Variants in ARHGAP6 observed in about 807,000 individuals in gnomAD.
ARHGAP6 encodes Rho GTPase activating protein 6, also known as rho GTPase-activating protein 6.
ARHGAP6 carries 16 observed loss-of-function variants against 55.7 expected under a neutral mutation model. The ratio of observed to expected loss-of-function variants is 0.29; its 90% confidence interval spans 0.19 to 0.44. The LOEUF is 0.44. Among genes scored for constraint, ARHGAP6 ranks in the 20% least tolerant of loss-of-function variants. ARHGAP6 has a pLI of 1.00. For synonymous variants in ARHGAP6, 382 were observed against 360.9 expected, an observed-to-expected ratio of 1.06 and a Z score of -0.66; for missense variants, 698 against 808.9, an observed-to-expected ratio of 0.86 and a Z score of 1.66.
At position 11,422,406 on chromosome X, in the gene ARHGAP6, G is replaced by C. The variant is rs2049833145; in HGVS notation, c.589-167699C>G. Among the ~76,000 whole-genome samples, 3 of 111,646 alleles carry C rather than the reference G, an allele frequency of 2.7e-5. No homozygotes were observed. The East Asian group carries it at 8.4e-4, about 31-fold the overall frequency. The stretch of plus-strand genomic sequence containing the variant: ...ATGATAAGCTTGTGGAGTGGGGTGT[G>C]GTATGAGGCAGAGAAGACCATGTAA... On this transcript the variant is annotated intron_variant, in intron 1 of 12. Transcript: ENST00000337414.
At chrX:11,487,695 G>A (rs2050524972) in intron 1 of ARHGAP6, among the ~76,000 whole-genome samples, 1 of 111,851 alleles carries the variant, frequency 8.9e-6, no homozygotes, top group Non-Finnish European at 1.9e-5. Context: ...ACTGCTAAAT[G>A]TGGGACCCTT....
In ARHGAP6 at chrX:11,195,526, T is replaced by TC. The variant is rs1005032273; in HGVS notation, c.820+1398dup. Among the ~76,000 whole-genome samples, 3 of 110,851 alleles carry TC rather than the reference T, an allele frequency of 2.7e-5. No individual in the cohort carries two copies. In the Admixed American group the frequency reaches 2.9e-4, roughly 11 times the overall value. On this transcript the variant is annotated intron_variant, in intron 3 of 12. Transcript: ENST00000337414. ...AAACAGTAAGATGAGAGTAAACAATTCCCAAAACATATGAAGCAAAAGATG... is the reference window on the plus strand; with the variant it reads ...AAACAGTAAGATGAGAGTAAACAATTCCCCAAAACATATGAAGCAAAAGATG...
At chrX:11,536,327 T>G (rs1021341072) in intron 1 of ARHGAP6, among the ~76,000 whole-genome samples, 3 of 112,177 alleles carry the variant, frequency 2.7e-5, no homozygotes, top group African/African-American at 9.7e-5. Flanking sequence ...CAGCTGAGAT[T>G]TGGAGGATAA....
chrX:11,277,327 G>C (rs1490789992), intron 1 of ARHGAP6, among the ~76,000 whole-genome samples: 1 of 111,316 alleles, frequency 9.0e-6, no homozygotes, highest in Non-Finnish European at 1.9e-5. Flanking sequence ...TATGAATAAA[G>C]CTGCTGTGAA....
intron 1 of ARHGAP6, among the ~76,000 whole-genome samples, chrX:11,324,154 T>C (rs1293028541): frequency 8.9e-6 from 1 of 111,959 alleles, no homozygotes; most frequent in African/African-American, 3.3e-5. Context: ...GCAGAGCTTT[T>C]GAAGGAAATT....
At chrX:11,496,349 T>C (rs1452577336) in intron 1 of ARHGAP6, among the ~76,000 whole-genome samples, 1 of 112,365 alleles carries the variant, frequency 8.9e-6, no homozygotes, top group Non-Finnish European at 1.9e-5. Context: ...GTATATCCTA[T>C]CTTTTTGTGC....
intron 1 of ARHGAP6, among the ~76,000 whole-genome samples, chrX:11,599,114 C>G (rs1465312304): frequency 1.8e-5 from 2 of 110,892 alleles, no homozygotes; most frequent in Non-Finnish European, 3.8e-5. Flanking sequence ...GAGTAATAAA[C>G]CGTGTGTCTG....
chrX:11,289,928 C>T lies in ARHGAP6; in HGVS notation c.589-35221G>A, dbSNP rs894776313. Among the ~76,000 whole-genome samples the T allele has an allele frequency of 7.2e-5, 8 of 111,772 alleles. No homozygotes were observed. In the East Asian group the frequency reaches 1.4e-3, roughly 20 times the overall value. ...TAAACCCGGGAGGCAGAGATTGCAGCGAGCCGAGACTGTACCACTTCACTC... is the reference window on the plus strand; with the variant it reads ...TAAACCCGGGAGGCAGAGATTGCAGTGAGCCGAGACTGTACCACTTCACTC... On this transcript the variant is annotated intron_variant, in intron 1 of 12. Coordinates refer to ENST00000337414, the MANE Select transcript of ARHGAP6 (RefSeq NM_013427.3).
chrX:11,231,982 A>G (rs1006494816), intron 2 of ARHGAP6, among the ~76,000 whole-genome samples: 1 of 111,977 alleles, frequency 8.9e-6, no homozygotes, highest in African/African-American at 3.3e-5. Flanking sequence ...TTGATATATA[A>G]TAGTTGTAAA....
chrX:11,549,225 A>G (rs1438748495), intron 1 of ARHGAP6, among the ~76,000 whole-genome samples: 2 of 112,097 alleles, frequency 1.8e-5, no homozygotes, highest in African/African-American at 3.2e-5. Flanking sequence ...GTAATTCCAT[A>G]AAAATTGTAT....
chrX:11,425,860 CAA>C (rs2049873680), intron 1 of ARHGAP6, among the ~76,000 whole-genome samples: 1 of 111,774 alleles, frequency 8.9e-6, no homozygotes, highest in South Asian at 3.8e-4. Flanking sequence ...TTGCAAATGG[CAA>C]AGACCTCAGA....
chrX:11,172,313 TTTTC>T (rs1444214066), intron 8 of ARHGAP6, among the ~76,000 whole-genome samples: 26 of 111,783 alleles, frequency 2.3e-4, no homozygotes, highest in Middle Eastern at 4.3e-3. Context: ...GTCCAATCAT[TTTTC>T]TTTGTTTTAT....
chrX:11,187,000 T>C (rs1289304354), intron 4 of ARHGAP6, among the ~76,000 whole-genome samples: 1 of 110,608 alleles, frequency 9.0e-6, no homozygotes, highest in Non-Finnish European at 1.9e-5. Context: ...TCAAGCCTAT[T>C]ATCATTGTGG....
chrX:11,478,699 A>G (rs1327225829), intron 1 of ARHGAP6, among the ~76,000 whole-genome samples: 5 of 112,262 alleles, frequency 4.5e-5, no homozygotes, highest in African/African-American at 1.6e-4. Context: ...ACCCATAAAA[A>G]TAAAATTTGA....
At chrX:11,476,967 A>C (rs993493920) in intron 1 of ARHGAP6, among the ~76,000 whole-genome samples, 19 of 111,165 alleles carry the variant, frequency 1.7e-4, no homozygotes, top group African/African-American at 5.9e-4. Context: ...AAAATATTAA[A>C]AATTGGACTC....
chrX:11,410,103 C>G (rs771493184), intron 1 of ARHGAP6, among the ~76,000 whole-genome samples: 12 of 111,875 alleles, frequency 1.1e-4, no homozygotes, highest in Non-Finnish European at 2.3e-4. Context: ...CTATAATGAC[C>G]AAGCAATTCT....
intron 2 of ARHGAP6, among the ~76,000 whole-genome samples, chrX:11,243,447 A>C (rs1194829212): frequency 8.9e-6 from 1 of 112,340 alleles, no homozygotes; most frequent in African/African-American, 3.2e-5. Flanking sequence ...CTAACTTCTC[A>C]GTCATCAAAC....
intron 1 of ARHGAP6, among the ~76,000 whole-genome samples, chrX:11,553,093 A>G (rs2051287182): frequency 8.9e-6 from 1 of 111,786 alleles, no homozygotes. Context: ...GGGGAACTTT[A>G]TGTGTTATAA....
chrX:11,406,583 A>G (rs1172254085), intron 1 of ARHGAP6, among the ~76,000 whole-genome samples: 1 of 111,176 alleles, frequency 9.0e-6, no homozygotes, highest in Non-Finnish European at 1.9e-5. Flanking sequence ...ATTCACCCAC[A>G]AATGTCCATA....
Sources: allele counts gnomAD v4.1 joint callset (sites outside exome capture counted in the v4.1 genomes callset), GRCh38; gene constraint gnomAD v4.1.1; transcripts MANE v1.5; gene names NCBI Gene and HGNC (gene_info 2026-07-23, HGNC 2026-07-21).